The following ACBD6 variants were observed in gnomAD, a reference collection of about 807,000 sequenced individuals.
ACBD6 encodes the protein acyl-CoA-binding domain-containing protein 6.
In ACBD6, 28 loss-of-function variants were observed where a neutral mutation model predicts 37.2. That is an observed-to-expected ratio of 0.75 (90% CI 0.56 to 1.03). The LOEUF is 1.03. ACBD6 is among the 50% of genes least tolerant of loss of function. The pLI is 0.00. For missense variants in ACBD6, 340 were observed against 337.4 expected (o/e 1.01, Z -0.06); for synonymous variants, 113 against 126.8 (o/e 0.89, Z 0.73).
chr1:180,355,145 C>A (rs752802068), intron 6 of ACBD6, among the ~76,000 whole-genome samples: 23 of 152,170 alleles, frequency 1.5e-4, no homozygotes, highest in Admixed American at 1.2e-3. Flanking sequence ...TTAATCTCAT[C>A]CAACCACCTT....
chr1:180,405,110 G>C (rs1647557347), intron 5 of ACBD6, among the ~76,000 whole-genome samples: 1 of 152,154 alleles, frequency 6.6e-6, no homozygotes, highest in South Asian at 2.1e-4. Flanking sequence ...AGTGATTTAA[G>C]AGGATGCATT....
At chr1:180,303,319 T>C (rs573351143) in intron 7 of ACBD6, among the ~76,000 whole-genome samples, 1 of 128,060 alleles carries the variant, frequency 7.8e-6, no homozygotes, top group South Asian at 2.7e-4. Context: ...ATCCAGGAGC[T>C]GGTTTTTTGA....
chr1:180,272,145 T>TG, intron 13 of ACBD6: 2 of 741,914 alleles, frequency 2.7e-6, no homozygotes, highest in Non-Finnish European at 4.3e-6. Context: ...AGACTTGCAG[T>TG]GAAGGGTGGG....
chr1:180,485,370 T>C (rs1320314606), intron 3 of ACBD6, among the ~76,000 whole-genome samples: 1 of 152,146 alleles, frequency 6.6e-6, no homozygotes, highest in Non-Finnish European at 1.5e-5. Context: ...GAGACCTTAA[T>C]TGGAAATAGG....
At chr1:180,362,491 T>C (rs1031780112) in intron 6 of ACBD6, among the ~76,000 whole-genome samples, 13 of 152,242 alleles carry the variant, frequency 8.5e-5, no homozygotes, top group Admixed American at 7.9e-4. Context: ...GCTATCCCTA[T>C]ACCTTAAATA....
chr1:180,304,091 T>C (rs1240190087), intron 7 of ACBD6, among the ~76,000 whole-genome samples: 1 of 150,932 alleles, frequency 6.6e-6, no homozygotes, highest in Non-Finnish European at 1.5e-5. Flanking sequence ...AAATTAGGTA[T>C]TGATGGGACG....
At chr1:180,449,480 G>A (rs1021008110) in intron 3 of ACBD6, among the ~76,000 whole-genome samples, 1 of 149,534 alleles carries the variant, frequency 6.7e-6, no homozygotes, top group Non-Finnish European at 1.5e-5. Flanking sequence ...TGTGATCTCA[G>A]CTCACTGTAA....
intron 6 of ACBD6, among the ~76,000 whole-genome samples, chr1:180,332,380 T>G (rs1178981640): frequency 6.6e-6 from 1 of 152,156 alleles, no homozygotes; most frequent in Non-Finnish European, 1.5e-5. Context: ...TGTTAGGAAC[T>G]GGGCTACACA....
chr1:180,482,856 A>AAGTGTGTG (rs1206492602), intron 3 of ACBD6, among the ~76,000 whole-genome samples: 7 of 152,160 alleles, frequency 4.6e-5, no homozygotes, highest in African/African-American at 1.4e-4. Flanking sequence ...ATGGGACTGA[A>AAGTGTGTG]AGTGTGTGAG....
intron 6 of ACBD6, among the ~76,000 whole-genome samples, chr1:180,336,020 T>G (rs1260497368): frequency 2.6e-4 from 40 of 151,844 alleles, no homozygotes; most frequent in African/African-American, 9.4e-4. Flanking sequence ...AGCAAGTCCT[T>G]AGAGACCTAG....
At position 180,293,194 on chromosome 1, in the gene ACBD6, G is replaced by A. The variant is rs570217822; in HGVS notation, c.695-4677C>T. ...GCCTGTTGTTTTCTTTTCCTCTAAG[G>A]TCTTTGTCTGGATTTGGTTATCAGG... On this transcript the variant is annotated intron_variant, in intron 7 of 7. Coordinates refer to ENST00000367595, the MANE Select transcript of ACBD6 (RefSeq NM_032360.4). Among the ~76,000 whole-genome samples the A allele has an allele frequency of 2.6e-5, 4 of 152,156 alleles. No homozygotes were observed. The East Asian group carries it at 7.7e-4, about 29-fold the overall frequency.
chr1:180,421,047 G>A (rs1010302992), intron 4 of ACBD6, among the ~76,000 whole-genome samples: 3 of 152,054 alleles, frequency 2.0e-5, no homozygotes, highest in Non-Finnish European at 4.4e-5. Context: ...TACATGTACA[G>A]GATGTGCAGG....
intron 3 of ACBD6, among the ~76,000 whole-genome samples, chr1:180,448,211 A>G (rs1214275818): frequency 6.6e-6 from 1 of 152,204 alleles, no homozygotes; most frequent in Non-Finnish European, 1.5e-5. Context: ...CAATCCTACC[A>G]AGACCCATAC....
At chr1:180,353,785 CAAAA>C (rs56286672) in intron 6 of ACBD6, among the ~76,000 whole-genome samples, 1 of 19,754 alleles carries the variant, frequency 5.1e-5, no homozygotes, top group Non-Finnish European at 8.6e-5. Flanking sequence ...TTAACAACCA[CAAAA>C]AAAAAAAAAA....
chr1:180,382,642 C>T (rs1226428059), intron 6 of ACBD6, among the ~76,000 whole-genome samples: 1 of 152,164 alleles, frequency 6.6e-6, no homozygotes, highest in Non-Finnish European at 1.5e-5. Flanking sequence ...AGAACTAACA[C>T]CAGTTCTCAA....
intron 6 of ACBD6, among the ~76,000 whole-genome samples, chr1:180,330,039 G>A (rs566291252): frequency 6.6e-6 from 1 of 152,214 alleles, no homozygotes; most frequent in South Asian, 2.1e-4. Context: ...CCAAAAAGCT[G>A]ACAAAATACA....
intron 6 of ACBD6, among the ~76,000 whole-genome samples, chr1:180,359,863 C>T (rs142053276): frequency 2.6e-5 from 4 of 152,160 alleles, no homozygotes; most frequent in African/African-American, 9.6e-5. Context: ...ACTCTAGACT[C>T]TAGAGAAGAC....
At chr1:180,464,417 A>T (rs1295015103) in intron 3 of ACBD6, among the ~76,000 whole-genome samples, 1 of 152,184 alleles carries the variant, frequency 6.6e-6, no homozygotes, top group African/African-American at 2.4e-5. Context: ...GGGCTAAATC[A>T]GAAAGGCAAT....
chr1:180,350,979 T>A (rs1171844686), intron 6 of ACBD6, among the ~76,000 whole-genome samples: 1 of 152,216 alleles, frequency 6.6e-6, no homozygotes, highest in East Asian at 1.9e-4. Flanking sequence ...GGAGTAAGTA[T>A]TTAATAAAAT....
Sources: allele counts gnomAD v4.1 joint callset (sites outside exome capture counted in the v4.1 genomes callset), GRCh38; gene constraint gnomAD v4.1.1; transcripts MANE v1.5; gene names NCBI Gene and HGNC (gene_info 2026-07-23, HGNC 2026-07-21).